The following PCDH15 variants were observed in gnomAD, a reference collection of about 807,000 sequenced individuals.
The protein encoded by PCDH15 is protocadherin related 15.
PCDH15 carries 129 observed loss-of-function variants against 178.5 expected under a neutral mutation model. The ratio of observed to expected loss-of-function variants is 0.72; its 90% CI spans 0.63 to 0.84. The LOEUF (loss-of-function observed/expected upper bound fraction) is 0.84. Among genes scored for constraint, PCDH15 ranks in the 40% least tolerant of loss-of-function variants. PCDH15 has a pLI of 0.00. For synonymous variants in PCDH15, 800 were observed against 732.0 expected, an observed-to-expected ratio of 1.09 and a Z score of -1.50; for missense variants, 2,230 against 2,099.9, an observed-to-expected ratio of 1.06 and a Z score of -1.21.
chr10:54,117,575 A>G (rs1432282266), intron 15 of PCDH15, among the ~76,000 whole-genome samples: 1 of 151,992 alleles, frequency 6.6e-6, no homozygotes, highest in Non-Finnish European at 1.5e-5. Flanking sequence ...TTTTTCCTAC[A>G]TCTAGGAAGA....
rs1486295779 is a variant in PCDH15, at chr10:54,086,756, G to A, written c.1997+3228C>T. 2.0e-5 allele frequency among the ~76,000 whole-genome samples: 3 copies of A among 152,282 alleles called. No homozygotes were observed. In the East Asian group the frequency reaches 5.8e-4, roughly 29 times the overall value. The stretch of plus-strand genomic sequence containing the variant: ...AAAGGGATCACACAACCATTATAGG[G>A]ACATGTTCTGCTTTAGCTTTCCTGG... On this transcript the variant is annotated intron_variant, in intron 16 of 37. Transcript: ENST00000644397.
intron 1 of PCDH15, among the ~76,000 whole-genome samples, chr10:54,664,892 T>G (rs1475972978): frequency 1.3e-5 from 2 of 151,146 alleles, no homozygotes; most frequent in African/African-American, 4.9e-5. Flanking sequence ...TGTTTTACTT[T>G]TCAATCCCCA....
At chr10:54,297,720 C>G (rs1024744334) in intron 8 of PCDH15, among the ~76,000 whole-genome samples, 1 of 152,180 alleles carries the variant, frequency 6.6e-6, no homozygotes, top group Non-Finnish European at 1.5e-5. Flanking sequence ...TACATGTCCC[C>G]TTCTCCCTCT....
rs932144134 is a variant in PCDH15 at position 54,981,608 on chromosome 10, GT to G, written c.-79-84109del. On this transcript the variant is annotated intron_variant, in intron 2 of 5. Coordinates refer to the PCDH15 transcript ENST00000458638. ...ATTTAAAATTAAACTAAACAAAAGG[GT>G]TTTTTTCTTTGAAAACTTGGCCTAA... is the stretch of plus-strand genomic sequence containing the variant. Among the ~76,000 whole-genome samples, 12 of 152,116 alleles carry G rather than the reference GT, an allele frequency of 7.9e-5. 1 individual carries two copies. The highest frequency in any genetic ancestry group is 2.7e-4 in the African/African-American group (11 of 41,498).
intron 26 of PCDH15, among the ~76,000 whole-genome samples, chr10:53,888,066 G>T (rs1177928335): frequency 2.0e-5 from 3 of 151,666 alleles, no homozygotes; most frequent in African/African-American, 7.2e-5. Flanking sequence ...TGGGTTGTAA[G>T]AAAGAAGAGA....
intron 3 of PCDH15, among the ~76,000 whole-genome samples, chr10:54,500,508 G>T (rs1204648763): frequency 6.6e-6 from 1 of 152,034 alleles, no homozygotes; most frequent in African/African-American, 2.4e-5. Context: ...CTTAGGAGAG[G>T]ACAGGGGTCT....
At chr10:55,047,575 G>T (rs1841044064) in intron 2 of PCDH15, among the ~76,000 whole-genome samples, 1 of 151,674 alleles carries the variant, frequency 6.6e-6, no homozygotes, top group African/African-American at 2.4e-5. Flanking sequence ...GAAAAAGTAG[G>T]AATAAAGAGG....
intron 5 of PCDH15, among the ~76,000 whole-genome samples, chr10:54,348,038 T>C (rs9415306): frequency 0.047 from 7,125 of 151,444 alleles, 544 homozygotes; most frequent in African/African-American, 0.16. Context: ...TTAGTAGAGA[T>C]GGGGTTTCAC....
intron 2 of PCDH15, among the ~76,000 whole-genome samples, chr10:54,613,251 C>G (rs921321413): frequency 1.1e-4 from 17 of 151,552 alleles, no homozygotes; most frequent in African/African-American, 4.1e-4. Context: ...CTATGTTTTT[C>G]TAAAATGAAG....
intron 2 of PCDH15, among the ~76,000 whole-genome samples, chr10:54,985,575 C>T (rs1380146613): frequency 1.3e-5 from 2 of 152,086 alleles, no homozygotes; most frequent in African/African-American, 2.4e-5. Context: ...TCTGGCAACA[C>T]GTTACACCAT....
intron 1 of PCDH15, among the ~76,000 whole-genome samples, chr10:55,299,573 A>G (rs1285642296): frequency 2.6e-5 from 4 of 152,204 alleles, no homozygotes; most frequent in African/African-American, 9.7e-5. Context: ...AGCTTTGGCA[A>G]AATCTTTATC....
At position 54,122,000 on chromosome 10, in the gene PCDH15, CAT is replaced by C. The variant is rs1491118203; in HGVS notation, c.1917+10873_1917+10874del. Among the ~76,000 whole-genome samples, 344 of 136,118 alleles carry C rather than the reference CAT, an allele frequency of 2.5e-3. 1 individual carries two copies. Among genetic ancestry groups the C allele is most frequent in the East Asian group, 0.011 (22 of 2,006 alleles). The allele number at this position is 136,118 out of a possible 152,430, so 89.3% of individuals were successfully genotyped here. On this transcript the variant is annotated intron_variant, in intron 15 of 37. Transcript: ENST00000644397. ...CTAATATCTAAACCGGGCAAAGACA[CAT>C]ACACACACACACACACACACACACA...
Position 54,625,590 on chromosome 10 carries a change from T to C in PCDH15, c.91+38582A>G, listed in dbSNP as rs181289217. On this transcript the variant is annotated intron_variant, in intron 2 of 37. Transcript: ENST00000644397. ...CTCTCTCTTTGCCTGCTGCCATCCA[T>C]GTAAGATGTCACTTGCTCCTCCTTG... Among the ~76,000 whole-genome samples the C allele has an allele frequency of 2.4e-3, 360 of 152,286 alleles. 2 individuals carry two copies. The highest frequency in any genetic ancestry group is 4.1e-3 in the Non-Finnish European group (277 of 68,026).
chr10:53,826,456 G>A (rs2076686562), intron 32 of PCDH15, among the ~76,000 whole-genome samples: 1 of 151,984 alleles, frequency 6.6e-6, no homozygotes, highest in Non-Finnish European at 1.5e-5. Context: ...AACTGATACG[G>A]ATGTCACATG....
At chr10:53,965,402 T>C (rs1394664102) in intron 21 of PCDH15, among the ~76,000 whole-genome samples, 5 of 152,156 alleles carry the variant, frequency 3.3e-5, no homozygotes, top group Admixed American at 2.6e-4. Flanking sequence ...GCTTTAAGAA[T>C]TATCTTCTGA....
At chr10:54,195,397 CAT>C (rs2049503916) in intron 11 of PCDH15, among the ~76,000 whole-genome samples, 1 of 152,196 alleles carries the variant, frequency 6.6e-6, no homozygotes, top group Middle Eastern at 3.4e-3. Context: ...CAGTTCTCAA[CAT>C]ATGTTAATAA....
intron 1 of PCDH15, among the ~76,000 whole-genome samples, chr10:55,195,116 C>T (rs1364741089): frequency 2.0e-5 from 3 of 151,120 alleles, no homozygotes; most frequent in Non-Finnish European, 4.4e-5. Context: ...CTCTGCCTCC[C>T]GAGTTCGAGC....
chr10:54,062,059 T>C lies in PCDH15; in HGVS notation c.2220+4698A>G, dbSNP rs192125078. Among the ~76,000 whole-genome samples the C allele has an allele frequency of 8.5e-4, 129 of 151,790 alleles. 1 individual carries two copies. Among genetic ancestry groups the C allele is most frequent in the African/African-American group, 2.9e-3 (122 of 41,386 alleles). On this transcript the variant is annotated intron_variant, in intron 18 of 37. Coordinates refer to ENST00000644397, the MANE Select transcript of PCDH15 (RefSeq NM_001384140.1). ...GGCCAACATGGCACAAACCTGTCTCTACTAAAAGTACAAAAATTTGCTGGG... is the reference window on the plus strand; with the variant it reads ...GGCCAACATGGCACAAACCTGTCTCCACTAAAAGTACAAAAATTTGCTGGG...
intron 8 of PCDH15, among the ~76,000 whole-genome samples, chr10:54,314,912 A>G (rs2061148380): frequency 1.3e-5 from 2 of 152,118 alleles, no homozygotes. Context: ...GTATATGTAC[A>G]TCATTTTCTT....
Sources: allele counts gnomAD v4.1 joint callset (sites outside exome capture counted in the v4.1 genomes callset), GRCh38; gene constraint gnomAD v4.1.1; transcripts MANE v1.5; gene names NCBI Gene and HGNC (gene_info 2026-07-23, HGNC 2026-07-21).